Variants in SLC35F1 observed in about 807,000 individuals in gnomAD.
SLC35F1 encodes the protein solute carrier family 35 member F1.
Under a neutral mutation model 48.7 loss-of-function variants are expected in SLC35F1, and 14 were observed. The ratio of observed to expected loss-of-function variants is 0.29; its 90% CI spans 0.19 to 0.45. The LOEUF (loss-of-function observed/expected upper bound fraction) is 0.45. Among genes scored for constraint, SLC35F1 ranks in the 20% least tolerant of loss-of-function variants. SLC35F1 has a pLI of 1.00. For synonymous variants in SLC35F1, 190 were observed against 202.2 expected, an observed-to-expected ratio of 0.94 and a Z score of 0.51; for missense variants, 404 against 500.0, an observed-to-expected ratio of 0.81 and a Z score of 1.83.
chr6:118,086,576 A>C (rs956873337), intron 1 of SLC35F1, among the ~76,000 whole-genome samples: 5 of 152,226 alleles, frequency 3.3e-5, no homozygotes, highest in Non-Finnish European at 7.3e-5. Context: ...GAAAGGTTTT[A>C]CTTGCAGCTA....
intron 1 of SLC35F1, among the ~76,000 whole-genome samples, chr6:118,038,736 C>T (rs1450022056): frequency 4.6e-5 from 7 of 152,020 alleles, no homozygotes; most frequent in African/African-American, 1.5e-4. Context: ...TGTCTTCTGC[C>T]TCAGCCTCCT....
chr6:118,260,154 G>A (rs966768020), intron 3 of SLC35F1, among the ~76,000 whole-genome samples: 9 of 152,122 alleles, frequency 5.9e-5, no homozygotes, highest in African/African-American at 2.2e-4. Flanking sequence ...TCATTCATAT[G>A]AAATAGTCAG....
chr6:118,245,691 A>G (rs910922059), intron 3 of SLC35F1, among the ~76,000 whole-genome samples: 2 of 152,194 alleles, frequency 1.3e-5, no homozygotes, highest in African/African-American at 4.8e-5. Flanking sequence ...CTCAGGCAGG[A>G]TACACAGATG....
At chr6:118,312,805 A>T (rs1336405285) in intron 7 of SLC35F1, among the ~76,000 whole-genome samples, 1 of 152,180 alleles carries the variant, frequency 6.6e-6, no homozygotes, top group Non-Finnish European at 1.5e-5. Context: ...CTTGTAACTT[A>T]CTTCATAGAA....
At chr6:118,128,847 A>G (rs1296142818) in intron 1 of SLC35F1, among the ~76,000 whole-genome samples, 1 of 152,060 alleles carries the variant, frequency 6.6e-6, no homozygotes, top group East Asian at 1.9e-4. Flanking sequence ...AAAAGAAAAG[A>G]AAATAACCTG....
At chr6:118,245,394 G>T (rs1479372598) in intron 3 of SLC35F1, among the ~76,000 whole-genome samples, 1 of 152,144 alleles carries the variant, frequency 6.6e-6, no homozygotes, top group East Asian at 1.9e-4. Flanking sequence ...CAGGAGGTTT[G>T]TGTGACCTTG....
Position 118,135,027 on chromosome 6 carries a change from A to T in SLC35F1, c.174-19418A>T, listed in dbSNP as rs561781917. On this transcript the variant is annotated intron_variant, in intron 1 of 7. Coordinates refer to ENST00000360388, the MANE Select transcript of SLC35F1 (RefSeq NM_001029858.4). ...CAGTAGATGGAGGAAAAGGTCAAAC[A>T]GAATTCAAGAACAAGGACGTCACGT... is the stretch of plus-strand genomic sequence containing the variant. Among the ~76,000 whole-genome samples, 142 of 152,352 alleles carry T rather than the reference A, an allele frequency of 9.3e-4. 1 individual carries two copies. Among genetic ancestry groups the T allele is most frequent in the Middle Eastern group, 3.4e-3 (1 of 294 alleles).
Position 118,212,481 on chromosome 6 carries a change from G to A in SLC35F1, c.350-23028G>A, listed in dbSNP as rs537778019. Among the ~76,000 whole-genome samples, 8 of 152,188 alleles carry A rather than the reference G, an allele frequency of 5.3e-5. No homozygotes were observed. The South Asian group carries it at 1.7e-3, about 32-fold the overall frequency. On this transcript the variant is annotated intron_variant, in intron 2 of 7. Coordinates refer to ENST00000360388, the MANE Select transcript of SLC35F1 (RefSeq NM_001029858.4). ...GAGGCAGGAGGATCACCTGAGGTCAGGACTTGAAGACCACCCTGGCCAACA... is the reference window on the plus strand; with the variant it reads ...GAGGCAGGAGGATCACCTGAGGTCAAGACTTGAAGACCACCCTGGCCAACA...
intron 3 of SLC35F1, among the ~76,000 whole-genome samples, chr6:118,237,619 G>A (rs1380771195): frequency 6.6e-6 from 1 of 152,030 alleles, no homozygotes; most frequent in Non-Finnish European, 1.5e-5. Flanking sequence ...TGAACTCCTG[G>A]GCTCAAGAGA....
chr6:118,022,069 T>C (rs954517382), intron 1 of SLC35F1, among the ~76,000 whole-genome samples: 1 of 152,168 alleles, frequency 6.6e-6, no homozygotes, highest in Non-Finnish European at 1.5e-5. Flanking sequence ...AGTCTACTTC[T>C]TGAAGAGAGG....
intron 1 of SLC35F1, among the ~76,000 whole-genome samples, chr6:117,997,049 C>T (rs1162924651): frequency 6.6e-6 from 1 of 152,072 alleles, no homozygotes; most frequent in African/African-American, 2.4e-5. Flanking sequence ...GAATGTATAA[C>T]TAGAATAACC....
chr6:118,197,657 A>ATTTGTACTCAGGCAT, intron 2 of SLC35F1, among the ~76,000 whole-genome samples: 1 of 152,138 alleles, frequency 6.6e-6, no homozygotes, highest in South Asian at 2.1e-4. Context: ...TGAGGCCCAA[A>ATTTGTACTCAGGCAT]TTGTACTCAG....
At chr6:118,117,633 T>C (rs1018704774) in intron 1 of SLC35F1, among the ~76,000 whole-genome samples, 10 of 152,116 alleles carry the variant, frequency 6.6e-5, no homozygotes, top group African/African-American at 2.4e-4. Context: ...ATGTATGGTT[T>C]GATGAATTTG....
chr6:118,139,037 T>C (rs1393790817), intron 1 of SLC35F1, among the ~76,000 whole-genome samples: 1 of 152,172 alleles, frequency 6.6e-6, no homozygotes, highest in African/African-American at 2.4e-5. Flanking sequence ...ATTCAGATTC[T>C]GTTCAAATCA....
intron 7 of SLC35F1, among the ~76,000 whole-genome samples, chr6:118,286,805 T>TGTGTGTGTGTGTTTG (rs1562351393): frequency 2.8e-5 from 4 of 143,986 alleles, no homozygotes; most frequent in African/African-American, 1.1e-4. Flanking sequence ...GTGTGTGTGT[T>TGTGTGTGTGTGTTTG]TGTGTGTGTG....
intron 1 of SLC35F1, among the ~76,000 whole-genome samples, chr6:118,065,623 C>CA (rs1772603586): frequency 6.6e-6 from 1 of 151,856 alleles, no homozygotes; most frequent in Non-Finnish European, 1.5e-5. Context: ...GTACTGCTAT[C>CA]AAAAAAAGAA....
intron 2 of SLC35F1, among the ~76,000 whole-genome samples, chr6:118,198,110 T>G (rs1774826493): frequency 6.6e-6 from 1 of 152,218 alleles, no homozygotes; most frequent in Non-Finnish European, 1.5e-5. Flanking sequence ...GCAGGAAATG[T>G]TGTGATCATT....
Position 117,907,915 on chromosome 6 carries a change from G to T in SLC35F1, c.173+16G>T. 7.6e-7 allele frequency: 1 copy of T among 1,312,280 alleles called. No homozygotes were observed. The allele number at this position is 1,312,280 out of a possible 1,614,324, so 81.3% of individuals were successfully genotyped here. A position where few individuals can be genotyped will look rare whatever the true frequency, so the allele number is the denominator to read the frequency against. On this transcript the variant is annotated intron_variant, in intron 1 of 7. Transcript: ENST00000360388. ...TGCTGAACAGGTGAGCGGCGGCGCCGGGCGAGGGCGCGGGGGGCGGGGGCT... is the reference window on the plus strand; with the variant it reads ...TGCTGAACAGGTGAGCGGCGGCGCCTGGCGAGGGCGCGGGGGGCGGGGGCT...
At chr6:118,000,043 C>T (rs1412775819) in intron 1 of SLC35F1, among the ~76,000 whole-genome samples, 1 of 151,626 alleles carries the variant, frequency 6.6e-6, no homozygotes, top group Non-Finnish European at 1.5e-5. Flanking sequence ...GGTACCATTC[C>T]TTCTGAAACT....
Sources: gnomAD v4.1 joint callset for allele counts (sites outside exome capture counted in the v4.1 genomes callset) on GRCh38, gnomAD v4.1.1 for gene constraint, MANE v1.5 for transcripts, NCBI Gene and HGNC (gene_info 2026-07-23, HGNC 2026-07-21) for gene names.